The following SLC35D2 variants were observed in gnomAD, a reference collection of about 807,000 sequenced individuals.
SLC35D2 encodes solute carrier family 35 member D2.
A neutral mutation model predicts 41.8 loss-of-function variants in SLC35D2; 43 were observed. The observed-to-expected ratio is 1.03, with a 90% CI of 0.81 to 1.33. The LOEUF is 1.33. Among genes scored for constraint, SLC35D2 ranks in the 40% most tolerant of loss-of-function variants. The pLI is 0.00. For synonymous variants in SLC35D2, 150 were observed against 163.9 expected, an observed-to-expected ratio of 0.92 and a Z score of 0.65; for missense variants, 380 against 408.4, an observed-to-expected ratio of 0.93 and a Z score of 0.60.
chr9:96,314,851 AC>A (rs1828012750), exon 12 of SLC35D2: 1 of 152,028 alleles, frequency 6.6e-6, no homozygotes, highest in South Asian at 2.1e-4. Context: ...GAAGAGAATG[AC>A]CCCTTTTTGG....
intron 7 of SLC35D2, among the ~76,000 whole-genome samples, chr9:96,344,366 C>A (rs1272711005): frequency 2.0e-5 from 3 of 151,636 alleles, no homozygotes; most frequent in Non-Finnish European, 2.9e-5. Context: ...TCTTTAAAAA[C>A]ATCTGCTCTT....
At chr9:96,341,343 C>CT (rs1368309096) in intron 8 of SLC35D2, among the ~76,000 whole-genome samples, 1 of 152,040 alleles carries the variant, frequency 6.6e-6, no homozygotes, top group East Asian at 1.9e-4. Flanking sequence ...CTTGTACTTT[C>CT]TATAAGGGAA....
intron 1 of SLC35D2, among the ~76,000 whole-genome samples, chr9:96,374,532 CAAA>C (rs35986252): frequency 4.9e-5 from 4 of 82,334 alleles, no homozygotes; most frequent in Non-Finnish European, 5.1e-5. Context: ...GACTCCGTCT[CAAA>C]AAAAAAAAAA....
At chr9:96,383,178 T>G (rs769474865) in intron 1 of SLC35D2, among the ~76,000 whole-genome samples, 2 of 152,188 alleles carry the variant, frequency 1.3e-5, no homozygotes, top group African/African-American at 2.4e-5. Context: ...TTTGAATCCC[T>G]GTTTTCAGCT....
chr9:96,376,701 A>T (rs1442603293), intron 1 of SLC35D2, among the ~76,000 whole-genome samples: 1 of 150,572 alleles, frequency 6.6e-6, no homozygotes, highest in East Asian at 2.0e-4. Context: ...TGGACCCAGG[A>T]GGGAGAGGTT....
At chr9:96,359,207 G>C (rs1187663322) in intron 4 of SLC35D2, among the ~76,000 whole-genome samples, 1 of 151,746 alleles carries the variant, frequency 6.6e-6, no homozygotes. Flanking sequence ...GGGAGGCTGA[G>C]GCTGGAGAAT....
exon 12 of SLC35D2, among the ~76,000 whole-genome samples, chr9:96,313,716 T>C (rs1441243049): frequency 6.6e-6 from 1 of 152,240 alleles, no homozygotes; most frequent in African/African-American, 2.4e-5. Flanking sequence ...TGGGCAAGAT[T>C]AAATTCTTTA....
At chr9:96,351,203 G>C (rs2130934046) in intron 5 of SLC35D2, 32 bp from the exon 6 acceptor site, 1 of 1,400,874 alleles carries the variant, frequency 7.1e-7, no homozygotes, top group South Asian at 1.2e-5. Context: ...GAAAGGAAAG[G>C]GAGCAGAGAG....
At chr9:96,368,137 C>A (rs527537821) in intron 2 of SLC35D2, 135 bp downstream of exon 2, 1 of 562,848 alleles carries the variant, frequency 1.8e-6, no homozygotes, top group Non-Finnish European at 3.2e-6. Flanking sequence ...GTTGTCTCAC[C>A]AGGAGTACCA....
At chr9:96,357,008 G>C (rs923179820) in intron 4 of SLC35D2, among the ~76,000 whole-genome samples, 1 of 151,936 alleles carries the variant, frequency 6.6e-6, no homozygotes, top group Non-Finnish European at 1.5e-5. Context: ...GAGAAACCCC[G>C]TCTCTACTAA....
At chr9:96,375,407 G>T (rs968849453) in intron 1 of SLC35D2, among the ~76,000 whole-genome samples, 3 of 150,626 alleles carry the variant, frequency 2.0e-5, no homozygotes, top group Non-Finnish European at 3.0e-5. Context: ...ATGAAACCCC[G>T]TCTCTACTAA....
At chr9:96,371,876 G>A (rs936409420) in intron 1 of SLC35D2, among the ~76,000 whole-genome samples, 2 of 150,336 alleles carry the variant, frequency 1.3e-5, no homozygotes, top group Non-Finnish European at 3.0e-5. Context: ...ACAGGCGCCC[G>A]CCACTACGCC....
At chr9:96,360,023 T>C (rs764074728) in intron 4 of SLC35D2, 131 bp downstream of exon 4, 1 of 538,494 alleles carries the variant, frequency 1.9e-6, no homozygotes, top group Non-Finnish European at 3.2e-6. Context: ...CTTACTTTCT[T>C]AAACTACTAA....
At chr9:96,377,470 C>T (rs1206942188) in intron 1 of SLC35D2, among the ~76,000 whole-genome samples, 5 of 152,212 alleles carry the variant, frequency 3.3e-5, no homozygotes, top group South Asian at 2.1e-4. Flanking sequence ...TAAACTTTCT[C>T]CCAGCACAGT....
exon 12 of SLC35D2, chr9:96,314,855 C>G (rs776319770): frequency 1.3e-5 from 2 of 152,160 alleles, no homozygotes; most frequent in Non-Finnish European, 2.9e-5. Flanking sequence ...AGAATGACCC[C>G]TTTTTGGCTA....
At chr9:96,324,249 C>T in intron 9 of SLC35D2, 80 bp from the exon 10 acceptor site, 1 of 1,093,936 alleles carries the variant, frequency 9.1e-7, no homozygotes, top group Non-Finnish European at 1.4e-6. Context: ...AGCAGTGACC[C>T]CCACACAAGC....
At chr9:96,381,052 G>C (rs1182721613) in intron 1 of SLC35D2, among the ~76,000 whole-genome samples, 2 of 152,208 alleles carry the variant, frequency 1.3e-5, no homozygotes, top group African/African-American at 4.8e-5. Context: ...GCCCTGCAGT[G>C]GCTTCCAGCC....
intron 8 of SLC35D2, among the ~76,000 whole-genome samples, 157 bp downstream of exon 8, chr9:96,343,747 A>G (rs1829443476): frequency 6.6e-6 from 1 of 152,224 alleles, no homozygotes; most frequent in South Asian, 2.1e-4. Flanking sequence ...GGGTAGTGCC[A>G]AAAGGTGTTA....
At chr9:96,323,197 G>A (rs865853673) in intron 10 of SLC35D2, among the ~76,000 whole-genome samples, 2 of 152,098 alleles carry the variant, frequency 1.3e-5, no homozygotes, top group African/African-American at 4.8e-5. Flanking sequence ...TGGGCACCCA[G>A]GGGACAGGTA....
Sources: gnomAD v4.1 joint callset for allele counts (sites outside exome capture counted in the v4.1 genomes callset) on GRCh38, gnomAD v4.1.1 for gene constraint, MANE v1.5 for transcripts, NCBI Gene and HGNC (gene_info 2026-07-23, HGNC 2026-07-21) for gene names.